The following CTIF variants were observed in gnomAD, a reference collection of about 807,000 sequenced individuals.
CTIF encodes the protein CBP80/20-dependent translation initiation factor.
CTIF carries 21 observed loss-of-function variants against 66.0 expected under a neutral mutation model. The ratio of observed to expected loss-of-function variants is 0.32; its 90% CI spans 0.23 to 0.46. The LOEUF (loss-of-function observed/expected upper bound fraction) is 0.46, where lower values mean the gene tolerates loss of function less well. CTIF is among the 20% of genes least tolerant of loss of function. CTIF has a pLI of 1.00. For missense variants in CTIF, 739 were observed against 812.7 expected (o/e 0.91, Z 1.10); for synonymous variants, 345 against 326.4 (o/e 1.06, Z -0.62).
At chr18:48,592,603 G>A (rs2089910171) in intron 1 of CTIF, among the ~76,000 whole-genome samples, 1 of 152,212 alleles carries the variant, frequency 6.6e-6, no homozygotes, top group Non-Finnish European at 1.5e-5. Flanking sequence ...GGGAGAAGCT[G>A]TGCGTGGGCA....
At chr18:48,598,252 CT>C (rs1242137097) in intron 1 of CTIF, among the ~76,000 whole-genome samples, 5 of 152,230 alleles carry the variant, frequency 3.3e-5, no homozygotes, top group Non-Finnish European at 7.3e-5. Context: ...ACCATAGTTG[CT>C]TTATAAGTCA....
chr18:48,625,565 A>G (rs2090578711), intron 2 of CTIF, among the ~76,000 whole-genome samples: 1 of 152,204 alleles, frequency 6.6e-6, no homozygotes, highest in African/African-American at 2.4e-5. Flanking sequence ...GCCTTTCCTG[A>G]CATAGGTATG....
intron 1 of CTIF, among the ~76,000 whole-genome samples, chr18:48,558,864 A>C (rs2089083565): frequency 6.6e-6 from 1 of 152,252 alleles, no homozygotes; most frequent in African/African-American, 2.4e-5. Context: ...AACCAATAAT[A>C]AATACACTTA....
intron 9 of CTIF, among the ~76,000 whole-genome samples, chr18:48,796,923 T>C (rs888587036): frequency 5.9e-5 from 9 of 152,168 alleles, no homozygotes; most frequent in Non-Finnish European, 1.0e-4. Flanking sequence ...CCATCCTTTA[T>C]AGAGCTCAGG....
At chr18:48,675,755 A>G (rs2091618101) in intron 6 of CTIF, among the ~76,000 whole-genome samples, 1 of 152,202 alleles carries the variant, frequency 6.6e-6, no homozygotes, top group African/African-American at 2.4e-5. Context: ...GGAGGGCAGC[A>G]GCACGGGGCT....
chr18:48,845,630 C>T (rs1362330905), intron 10 of CTIF, among the ~76,000 whole-genome samples: 2 of 152,180 alleles, frequency 1.3e-5, no homozygotes, highest in African/African-American at 2.4e-5. Context: ...AACGGCTTGA[C>T]TAATCCCTGG....
intron 6 of CTIF, among the ~76,000 whole-genome samples, chr18:48,681,309 C>T (rs963688410): frequency 6.6e-6 from 1 of 152,252 alleles, no homozygotes; most frequent in East Asian, 1.9e-4. Context: ...ACTTCCCAGG[C>T]TGGGCCAGGG....
intron 3 of CTIF, among the ~76,000 whole-genome samples, chr18:48,637,030 C>T (rs779213229): frequency 2.0e-5 from 3 of 152,216 alleles, no homozygotes; most frequent in Non-Finnish European, 2.9e-5. Flanking sequence ...AATGACTGCA[C>T]TGAGGGTTCA....
At chr18:48,568,644 A>AAAAAAAAAAAAAAAG (rs2089336570) in intron 1 of CTIF, among the ~76,000 whole-genome samples, 1 of 125,398 alleles carries the variant, frequency 8.0e-6, no homozygotes, top group Non-Finnish European at 1.6e-5. Flanking sequence ...AAAAAAAAAA[A>AAAAAAAAAAAAAAAG]AAAAAAAAAA....
chr18:48,780,199 C>T (rs557776140), intron 9 of CTIF, among the ~76,000 whole-genome samples: 4 of 152,274 alleles, frequency 2.6e-5, no homozygotes, highest in South Asian at 2.1e-4. Context: ...AGAGCCTGTG[C>T]GCTATGTCAT....
chr18:48,730,873 T>C (rs1321018880), intron 7 of CTIF, among the ~76,000 whole-genome samples: 6 of 151,492 alleles, frequency 4.0e-5, no homozygotes, highest in African/African-American at 1.5e-4. Context: ...CCTCCCGCAG[T>C]GTGAGGGGCT....
Position 48,637,764 on chromosome 18 carries a change from G to A in CTIF, c.252+1079G>A, listed in dbSNP as rs2090850955. Among the ~76,000 whole-genome samples, 6 of 152,126 alleles carry A rather than the reference G, an allele frequency of 3.9e-5. No individual in the cohort carries two copies. In the South Asian group the frequency reaches 8.3e-4, roughly 21 times the overall value. ...TTCACGTGACAAAATGTGCTTGTACGTCTTGTTTCTTAAGAAGGAGGCCAT... is the reference window on the plus strand; with the variant it reads ...TTCACGTGACAAAATGTGCTTGTACATCTTGTTTCTTAAGAAGGAGGCCAT... On this transcript the variant is annotated intron_variant, in intron 3 of 11. Coordinates refer to ENST00000256413, the MANE Select transcript of CTIF (RefSeq NM_014772.3).
intron 10 of CTIF, among the ~76,000 whole-genome samples, chr18:48,834,477 C>T (rs2146482714): frequency 6.6e-6 from 1 of 152,348 alleles, no homozygotes; most frequent in East Asian, 1.9e-4. Context: ...CCTCCCTGAT[C>T]CCGCTGTGTG....
intron 10 of CTIF, among the ~76,000 whole-genome samples, chr18:48,839,491 A>G (rs2068888963): frequency 6.6e-6 from 1 of 151,784 alleles, no homozygotes; most frequent in Admixed American, 6.6e-5. Context: ...TATCCTAAAC[A>G]CCCCACATCC....
intron 3 of CTIF, among the ~76,000 whole-genome samples, chr18:48,637,504 G>A (rs368165212): frequency 3.9e-5 from 6 of 152,192 alleles, no homozygotes; most frequent in African/African-American, 1.2e-4. Context: ...AGGCTCCTGC[G>A]AGGGGCCATG....
In CTIF at chr18:48,757,906, C is replaced by T. The variant is rs368257430; in HGVS notation, c.585-13C>T. On this transcript the variant is annotated splice_polypyrimidine_tract_variant and intron_variant, in intron 7 of 11. Coordinates refer to ENST00000256413, the MANE Select transcript of CTIF (RefSeq NM_014772.3). ...AGTGATCGCCTTCTCTGTCTTTCCTCTTCCGTTTGCAGGCGGCAGCAGAGA... is the reference window on the plus strand; with the variant it reads ...AGTGATCGCCTTCTCTGTCTTTCCTTTTCCGTTTGCAGGCGGCAGCAGAGA... 2.2e-5 allele frequency: 36 copies of T among 1,604,678 alleles called. No homozygotes were observed. Among genetic ancestry groups the T allele is most frequent in the Non-Finnish European group, 3.0e-5 (35 of 1,174,434 alleles).
chr18:48,602,850 A>ATGG (rs1568064603), intron 1 of CTIF, among the ~76,000 whole-genome samples: 1 of 142,550 alleles, frequency 7.0e-6, no homozygotes, highest in Non-Finnish European at 1.5e-5. Flanking sequence ...TGGATGGATG[A>ATGG]ATGGATGGAT....
At chr18:48,708,477 G>A (rs1010374789) in intron 6 of CTIF, among the ~76,000 whole-genome samples, 2 of 152,218 alleles carry the variant, frequency 1.3e-5, no homozygotes, top group Non-Finnish European at 2.9e-5. Flanking sequence ...ATTGCATGCA[G>A]GAGGAGGTTC....
intron 7 of CTIF, among the ~76,000 whole-genome samples, chr18:48,731,561 G>T (rs1262642398): frequency 6.6e-6 from 1 of 152,190 alleles, no homozygotes; most frequent in East Asian, 1.9e-4. Context: ...TCAGCTTAGG[G>T]ACCTAGTAAG....
Sources: allele counts gnomAD v4.1 joint callset (sites outside exome capture counted in the v4.1 genomes callset), GRCh38; gene constraint gnomAD v4.1.1; transcripts MANE v1.5; gene names NCBI Gene and HGNC (gene_info 2026-07-23, HGNC 2026-07-21).